CTPS1: variants seen among roughly 807,000 people sequenced by gnomAD.
The protein encoded by CTPS1 is CTP synthase 1, also known as CTP synthetase 1.
CTPS1 carries 25 observed loss-of-function variants against 80.5 expected under a neutral mutation model. That is an observed-to-expected ratio of 0.31 (90% CI 0.23 to 0.43). The LOEUF is 0.43. CTPS1 is among the 20% of genes least tolerant of loss of function. The probability of loss-of-function intolerance (pLI) is 1.00; values close to 1 mark genes in which losing one functional copy is unlikely to be tolerated. For missense variants in CTPS1, 442 were observed against 725.7 expected (o/e 0.61, Z 4.49); for synonymous variants, 267 against 252.5 (o/e 1.06, Z -0.54).
chr1:40,999,971 G>A (rs541760664), intron 9 of CTPS1, among the ~76,000 whole-genome samples: 4 of 152,142 alleles, frequency 2.6e-5, no homozygotes, highest in South Asian at 2.1e-4. Context: ...TCAACATAGC[G>A]AGACCCCCGT....
intron 8 of CTPS1, chr1:40,997,108 T>G (rs1373296442): frequency 3.2e-6 from 1 of 314,148 alleles, no homozygotes; most frequent in East Asian, 6.7e-5. Context: ...TCCCGTTATA[T>G]TCTTCCCAGG....
intron 1 of CTPS1, among the ~76,000 whole-genome samples, chr1:40,982,872 AT>A (rs1311263900): frequency 6.6e-6 from 1 of 152,062 alleles, no homozygotes; most frequent in Non-Finnish European, 1.5e-5. Context: ...CCAAGTTTGA[AT>A]TTTTTTCCCA....
intron 10 of CTPS1, 36 bp downstream of exon 10, chr1:41,001,153 CT>C (rs1301065943): frequency 6.6e-7 from 1 of 1,510,952 alleles, no homozygotes; most frequent in Non-Finnish European, 9.0e-7. Flanking sequence ...TTCCAGAGTT[CT>C]TTTGGTTTGT....
chr1:40,993,393 T>A (rs1642666918), intron 7 of CTPS1, among the ~76,000 whole-genome samples: 1 of 152,044 alleles, frequency 6.6e-6, no homozygotes, highest in East Asian at 1.9e-4. Context: ...TGTGTCACCC[T>A]GACTAGAGTG....
chr1:40,981,147 C>T (rs1425759212), intron 1 of CTPS1: 1 of 152,180 alleles, frequency 6.6e-6, no homozygotes, highest in African/African-American at 2.4e-5. Context: ...AATGTTTCAT[C>T]TCTCCAACTG....
Position 40,997,420 on chromosome 1 carries a change from C to CT in CTPS1, c.900dup (p.Ile301TyrfsTer19), listed in dbSNP as rs1558152403. The stretch of plus-strand genomic sequence containing the variant: ...TATGATCGCTTGCTGGAGACCTGCT[C>CT]TATTGCCCTTGTGGGCAAATACACG... On this transcript the variant is annotated frameshift_variant, in exon 9 of 19. Coordinates refer to ENST00000650070, the MANE Select transcript of CTPS1 (RefSeq NM_001905.4). LOFTEE classifies it high-confidence loss of function. The CT allele has an allele frequency of 6.2e-7, 1 of 1,614,036 alleles. No homozygotes were observed. The highest frequency in any genetic ancestry group is 1.7e-5 in the Admixed American group (1 of 59,992).
At chr1:41,009,901 C>T (rs1265132119) in intron 17 of CTPS1, among the ~76,000 whole-genome samples, 1 of 152,194 alleles carries the variant, frequency 6.6e-6, no homozygotes, top group East Asian at 1.9e-4. Flanking sequence ...GTTTATGTCC[C>T]ATTGCCACCT....
At chr1:41,009,686 A>G in intron 17 of CTPS1, 97 bp downstream of exon 17, 1 of 1,456,514 alleles carries the variant, frequency 6.9e-7, no homozygotes, top group Admixed American at 2.1e-5. Flanking sequence ...CAGTCATAAG[A>G]AAAAAAAGCC....
rs1014990302 is a variant in CTPS1 at position 40,995,520 on chromosome 1, C to G, written c.721-397C>G. 2.6e-5 allele frequency among the ~76,000 whole-genome samples: 4 copies of G among 152,242 alleles called. No individual in the cohort carries two copies. The East Asian group carries it at 7.7e-4, about 29-fold the overall frequency. ...GTGATTCTCCCACCTCAGCTACCCCCCAGTTAGCTGAGACTACATGCACAT... is the reference window on the plus strand; with the variant it reads ...GTGATTCTCCCACCTCAGCTACCCCGCAGTTAGCTGAGACTACATGCACAT... On this transcript the variant is annotated intron_variant, in intron 7 of 18. Coordinates refer to ENST00000650070, the MANE Select transcript of CTPS1 (RefSeq NM_001905.4).
intron 3 of CTPS1, among the ~76,000 whole-genome samples, chr1:40,986,202 G>A (rs1286437593): frequency 2.0e-5 from 3 of 152,268 alleles, no homozygotes; most frequent in African/African-American, 7.2e-5. Context: ...AGTGAGGACA[G>A]AGTGACTGGG....
At chr1:41,010,659 A>G (rs1483706026) in intron 18 of CTPS1, among the ~76,000 whole-genome samples, 1 of 152,252 alleles carries the variant, frequency 6.6e-6, no homozygotes, top group Non-Finnish European at 1.5e-5. Flanking sequence ...GACAGATACA[A>G]CAATGTGGCA....
chr1:40,982,750 G>A (rs1046785281), intron 1 of CTPS1, among the ~76,000 whole-genome samples: 3 of 152,216 alleles, frequency 2.0e-5, no homozygotes, highest in African/African-American at 7.2e-5. Flanking sequence ...AAATGTTGAT[G>A]TTCTTTCCTT....
intron 8 of CTPS1, 104 bp from the exon 9 acceptor site, chr1:40,997,290 A>C: frequency 1.5e-6 from 2 of 1,374,072 alleles, no homozygotes; most frequent in Non-Finnish European, 2.0e-6. Flanking sequence ...GCGTGAGCTC[A>C]TCCTGGCCAG....
intron 12 of CTPS1, among the ~76,000 whole-genome samples, chr1:41,004,515 A>G (rs1642983731): frequency 6.6e-6 from 1 of 152,092 alleles, no homozygotes; most frequent in Non-Finnish European, 1.5e-5. Context: ...TAGGTTCCCA[A>G]ATGGGTAGGT....
chr1:41,001,018 A>C lies in CTPS1; in HGVS notation c.1006-11A>C, dbSNP rs1443042630. ...GAGCCTGCTTTTCTCCCCTGTCTGA[A>C]TAACATCCAGTACATAGATTCTGCG... is the stretch of plus-strand genomic sequence containing the variant. On this transcript the variant is annotated splice_polypyrimidine_tract_variant and intron_variant, in intron 9 of 18. Transcript: ENST00000650070. The C allele has an allele frequency of 6.3e-7, 1 of 1,596,310 alleles. No homozygotes were observed. The highest frequency in any genetic ancestry group is 1.1e-5 in the South Asian group (1 of 88,042).
Position 41,007,337 on chromosome 1 carries a change from C to A in CTPS1, c.1297-112C>A. 1 of 847,688 alleles carries A rather than the reference C, an allele frequency of 1.2e-6. No homozygotes were observed. Among genetic ancestry groups the A allele is most frequent in the Non-Finnish European group, 1.9e-6 (1 of 530,548 alleles). 52.5% of individuals were successfully genotyped at this position (847,688 alleles called of 1,614,324 possible). A position where few individuals can be genotyped will look rare whatever the true frequency, so the allele number is the denominator to read the frequency against. ...GTGACAAAATGTCTCATAAGGAAAGCCTGGAGAATTAGAGCTTACTTACAA... is the reference window on the plus strand; with the variant it reads ...GTGACAAAATGTCTCATAAGGAAAGACTGGAGAATTAGAGCTTACTTACAA... On this transcript the variant is annotated intron_variant, in intron 13 of 18. Coordinates refer to ENST00000650070, the MANE Select transcript of CTPS1 (RefSeq NM_001905.4). This position sits in a 1 kb window ranked among gnomAD's most constrained non-coding sequence, Gnocchi z 4.4.
rs780504017 is a variant in CTPS1 at position 41,010,222 on chromosome 1, T to C, written c.1753T>C (p.Phe585Leu). 1 of 1,613,724 alleles carries C rather than the reference T, an allele frequency of 6.2e-7. No homozygotes were observed. Among genetic ancestry groups the C allele is most frequent in the Non-Finnish European group, 8.5e-7 (1 of 1,179,592 alleles). Residue 585 changes from phenylalanine to leucine, a missense_variant, in exon 18 of 19, where the codon TTT becomes CTT. Physicochemically the swap from Phe to Leu is conservative, Grantham distance 22 (BLOSUM62 0). This residue lies in a region of CTPS1 where 321 missense variants were observed against 467.2 expected (regional missense o/e 0.69). Transcript: ENST00000650070. ...TGACTCTGAAATCACCGAACTGAAG[T>C]TTCCATCAATAAATCATGACTGATC... ...SPDSEITELK[F>L]PSINHD
intron 5 of CTPS1, 103 bp downstream of exon 5, chr1:40,988,813 G>A (rs539819971): frequency 2.1e-5 from 16 of 746,102 alleles, no homozygotes; most frequent in East Asian, 1.7e-4. Context: ...TTCACTTGAG[G>A]TGCAGGAAGC....
intron 10 of CTPS1, among the ~76,000 whole-genome samples, chr1:41,001,794 A>G (rs1244287454): frequency 6.6e-6 from 1 of 152,052 alleles, no homozygotes; most frequent in Non-Finnish European, 1.5e-5. Context: ...TCCTTGGGAG[A>G]TCAAGGCTGC....
Sources: allele counts gnomAD v4.1 joint callset (sites outside exome capture counted in the v4.1 genomes callset), GRCh38; gene constraint gnomAD v4.1.1; regional missense constraint gnomAD v4.1.1; non-coding constraint Gnocchi (gnomAD v3.1); transcripts MANE v1.5; gene names NCBI Gene and HGNC (gene_info 2026-07-23, HGNC 2026-07-21).